Variants in DPY19L2 observed in about 807,000 individuals in gnomAD.
DPY19L2 encodes dpy-19 like 2.
In DPY19L2, 34 loss-of-function variants were observed where a neutral mutation model predicts 97.9. The observed-to-expected ratio is 0.35, with a 90% CI of 0.26 to 0.46. DPY19L2 has a LOEUF of 0.46. Ranked by LOEUF, DPY19L2 falls within the 20% of genes least tolerant of loss-of-function variation. The pLI is 1.00. For synonymous variants in DPY19L2, 230 were observed against 307.9 expected (o/e 0.75, Z 2.65); for missense variants, 623 against 911.4 (o/e 0.68, Z 4.07).
chr12:63,600,246 A>G, intron 13 of DPY19L2, 60 bp downstream of exon 13: 1 of 1,404,732 alleles, frequency 7.1e-7, no homozygotes, highest in Non-Finnish European at 1.0e-6. Flanking sequence ...GATGGTTTCA[A>G]AGTTTTCATT....
intron 16 of DPY19L2, chr12:63,591,142 A>T (rs1011529069): frequency 2.2e-6 from 1 of 455,324 alleles, no homozygotes; most frequent in Admixed American, 2.4e-5. Context: ...AACAATATAG[A>T]ATGGTTCTAT....
intron 7 of DPY19L2, 127 bp from the exon 8 acceptor site, chr12:63,624,258 A>C: frequency 1.5e-6 from 1 of 683,468 alleles, no homozygotes; most frequent in East Asian, 2.8e-5. Flanking sequence ...AGTGTCTGGC[A>C]TAGCTTCTCA....
At chr12:63,605,251 C>A (rs1268385648) in intron 12 of DPY19L2, among the ~76,000 whole-genome samples, 2 of 152,110 alleles carry the variant, frequency 1.3e-5, no homozygotes, top group Non-Finnish European at 2.9e-5. Context: ...AGGGCTCTTT[C>A]CTGGGCTGCC....
chr12:63,590,926 A>G (rs1882790328), intron 16 of DPY19L2: 1 of 372,224 alleles, frequency 2.7e-6, no homozygotes. Flanking sequence ...ATTATCTTCC[A>G]TCCATTGACC....
intron 10 of DPY19L2, 67 bp from the exon 11 acceptor site, chr12:63,617,457 G>C (rs1240033129): frequency 1.9e-6 from 2 of 1,038,190 alleles, no homozygotes; most frequent in Admixed American, 2.7e-5. Flanking sequence ...TATTTTGTAG[G>C]TATATAGCCA....
At chr12:63,657,085 G>A (rs1186804577) in intron 4 of DPY19L2, among the ~76,000 whole-genome samples, 3 of 152,026 alleles carry the variant, frequency 2.0e-5, no homozygotes, top group Non-Finnish European at 4.4e-5. Context: ...CATAATTTTT[G>A]CTGAAAGTTA....
At chr12:63,637,832 G>C (rs1427529048) in intron 6 of DPY19L2, among the ~76,000 whole-genome samples, 1 of 152,092 alleles carries the variant, frequency 6.6e-6, no homozygotes, top group Non-Finnish European at 1.5e-5. Context: ...AAAAGAAAAA[G>C]AGGGACTCCT....
intron 21 of DPY19L2, among the ~76,000 whole-genome samples, chr12:63,562,013 T>C (rs1217017929): frequency 6.6e-6 from 1 of 152,204 alleles, no homozygotes; most frequent in African/African-American, 2.4e-5. Context: ...TCTATTCAAA[T>C]ATTGTGCCAA....
intron 4 of DPY19L2, among the ~76,000 whole-genome samples, chr12:63,658,722 CTCATAAATTCT>C (rs568156349): frequency 1.3e-5 from 2 of 152,242 alleles, no homozygotes; most frequent in African/African-American, 4.8e-5. Flanking sequence ...GGAAGTATTA[CTCATAAATTCT>C]TCTTTCAGCG....
At chr12:63,664,824 G>T (rs1408007586) in intron 2 of DPY19L2, among the ~76,000 whole-genome samples, 5 of 151,996 alleles carry the variant, frequency 3.3e-5, no homozygotes, top group Admixed American at 6.6e-5. Context: ...TTACATGTAG[G>T]CCATATGCCA....
chr12:63,645,784 G>A (rs1251735051), intron 5 of DPY19L2, among the ~76,000 whole-genome samples: 2 of 152,054 alleles, frequency 1.3e-5, no homozygotes, highest in African/African-American at 2.4e-5. Context: ...ATCACTTGTT[G>A]AGAATATAAT....
At chr12:63,611,841 G>A (rs924644917) in intron 11 of DPY19L2, among the ~76,000 whole-genome samples, 2 of 151,870 alleles carry the variant, frequency 1.3e-5, no homozygotes, top group African/African-American at 4.8e-5. Flanking sequence ...GAAGTGGGGA[G>A]GCAGAAAAAT....
rs192472442 is a variant in DPY19L2, at chr12:63,562,363, T to C, written c.2127-1701A>G. On this transcript the variant is annotated intron_variant, in intron 21 of 21. Coordinates refer to ENST00000324472, the MANE Select transcript of DPY19L2 (RefSeq NM_173812.5). The stretch of plus-strand genomic sequence containing the variant: ...TGCTGTATCAATAGTTTATTCATTT[T>C]TATTAGTGAGTAATATTTACATTGT... Among the ~76,000 whole-genome samples, 116 of 152,348 alleles carry C rather than the reference T, an allele frequency of 7.6e-4. No homozygotes were observed. The Middle Eastern group carries it at 0.01, about 13-fold the overall frequency.
chr12:63,621,672 A>T (rs1888715545), intron 8 of DPY19L2, among the ~76,000 whole-genome samples: 1 of 152,208 alleles, frequency 6.6e-6, no homozygotes, highest in Non-Finnish European at 1.5e-5. Context: ...CTGCCCCTGC[A>T]CACCTCAACA....
intron 16 of DPY19L2, among the ~76,000 whole-genome samples, chr12:63,586,677 T>C (rs1881847477): frequency 6.6e-6 from 1 of 152,208 alleles, no homozygotes; most frequent in Non-Finnish European, 1.5e-5. Flanking sequence ...TGAGGATTTA[T>C]TGAGTTAATA....
At chr12:63,605,443 G>A (rs1158691750) in intron 12 of DPY19L2, among the ~76,000 whole-genome samples, 6 of 152,164 alleles carry the variant, frequency 3.9e-5, no homozygotes, top group Admixed American at 6.5e-5. Context: ...TTTTCTGTGC[G>A]TTCTGAGGTA....
At chr12:63,622,635 C>T in intron 8 of DPY19L2, among the ~76,000 whole-genome samples, 1 of 152,064 alleles carries the variant, frequency 6.6e-6, no homozygotes, top group Non-Finnish European at 1.5e-5. Flanking sequence ...CTTTTAAATA[C>T]ATATAATTGG....
chr12:63,572,703 C>A (rs1879106097), intron 19 of DPY19L2, among the ~76,000 whole-genome samples: 2 of 152,032 alleles, frequency 1.3e-5, no homozygotes, highest in South Asian at 4.2e-4. Flanking sequence ...TCACACCCCA[C>A]CCCCAGCTCC....
chr12:63,657,037 T>C (rs1762090814), intron 4 of DPY19L2, among the ~76,000 whole-genome samples: 1 of 152,206 alleles, frequency 6.6e-6, no homozygotes, highest in African/African-American at 2.4e-5. Flanking sequence ...CTGCTCTGTC[T>C]CTTCGGACTG....
Sources: gnomAD v4.1 joint callset for allele counts (sites outside exome capture counted in the v4.1 genomes callset) on GRCh38, gnomAD v4.1.1 for gene constraint, MANE v1.5 for transcripts, NCBI Gene and HGNC (gene_info 2026-07-23, HGNC 2026-07-21) for gene names.